IKZF2: variants seen among roughly 807,000 people sequenced by gnomAD.
The protein encoded by IKZF2 is IKAROS family zinc finger 2, also known as zinc finger protein Helios.
IKZF2 carries 15 observed loss-of-function variants against 49.2 expected under a neutral mutation model. The observed-to-expected ratio is 0.30, with a 90% CI of 0.20 to 0.47. The LOEUF (loss-of-function observed/expected upper bound fraction) is 0.47, where lower values mean the gene tolerates loss of function less well. IKZF2 is among the 20% of genes least tolerant of loss of function. The pLI is 1.00. For synonymous variants in IKZF2, 227 were observed against 221.4 expected (o/e 1.03, Z -0.23); for missense variants, 567 against 664.6 (o/e 0.85, Z 1.61).
chr2:213,007,208 C>T lies in IKZF2; in HGVS notation c.*152G>A. 2 of 802,438 alleles carry T rather than the reference C, an allele frequency of 2.5e-6. No homozygotes were observed. The highest frequency in any genetic ancestry group is 3.8e-6 in the Non-Finnish European group (2 of 526,814). The allele number at this position is 802,438 out of a possible 1,614,324, so 49.7% of individuals were successfully genotyped here. A position where few individuals can be genotyped will look rare whatever the true frequency, so the allele number is the denominator to read the frequency against. ...TATCGTAATTAGGCAGAGCAAATGA[C>T]ACTGCCTCCACAAAATAAGAATTAT... On this transcript the variant is annotated 3_prime_UTR_variant, in exon 9 of 9. Transcript: ENST00000434687.
At chr2:213,106,902 A>G (rs1056330553) in intron 4 of IKZF2, among the ~76,000 whole-genome samples, 6 of 152,154 alleles carry the variant, frequency 3.9e-5, no homozygotes, top group Non-Finnish European at 5.9e-5. Flanking sequence ...ATTCAGAGCA[A>G]AAGTCAAAAA....
intron 4 of IKZF2, among the ~76,000 whole-genome samples, chr2:213,143,606 C>A (rs1353331480): frequency 6.6e-6 from 1 of 151,770 alleles, no homozygotes. Context: ...TGGGTATATA[C>A]ACAAACCTAA....
At chr2:213,120,017 G>T (rs1481287849) in intron 4 of IKZF2, among the ~76,000 whole-genome samples, 1 of 152,140 alleles carries the variant, frequency 6.6e-6, no homozygotes, top group East Asian at 1.9e-4. Flanking sequence ...AGGTAAAGCA[G>T]CCAACTCCAT....
intron 4 of IKZF2, among the ~76,000 whole-genome samples, chr2:213,109,240 A>G (rs1292255068): frequency 1.3e-5 from 2 of 152,112 alleles, no homozygotes; most frequent in African/African-American, 4.8e-5. Context: ...ATGCAAGCAG[A>G]CACAAAATTA....
intron 4 of IKZF2, among the ~76,000 whole-genome samples, chr2:213,085,298 A>C (rs1335500745): frequency 2.6e-5 from 4 of 152,222 alleles, no homozygotes; most frequent in Non-Finnish European, 5.9e-5. Flanking sequence ...TTAAACAAAA[A>C]GCCTTTTGGA....
intron 4 of IKZF2, among the ~76,000 whole-genome samples, chr2:213,078,014 C>A (rs1023100506): frequency 2.6e-5 from 4 of 151,966 alleles, no homozygotes; most frequent in Admixed American, 1.3e-4. Context: ...TAGAAGATTG[C>A]ATATTCCTTT....
At chr2:213,057,661 TA>T (rs887551924) in intron 4 of IKZF2, among the ~76,000 whole-genome samples, 1 of 152,118 alleles carries the variant, frequency 6.6e-6, no homozygotes, top group Non-Finnish European at 1.5e-5. Context: ...AAAATCAAAC[TA>T]AACACATATA....
chr2:213,023,777 T>C (rs1428966683), intron 6 of IKZF2, among the ~76,000 whole-genome samples: 3 of 152,184 alleles, frequency 2.0e-5, no homozygotes, highest in Non-Finnish European at 4.4e-5. Flanking sequence ...GCACTTACAT[T>C]GAAGCTAATA....
Position 213,007,272 on chromosome 2 carries a change from A to G in IKZF2, c.*88T>C, listed in dbSNP as rs1695424466. 1.4e-6 allele frequency: 2 copies of G among 1,381,582 alleles called. No individual in the cohort carries two copies. The highest frequency in any genetic ancestry group is 2.9e-5 in the African/African-American group (2 of 68,692). 85.6% of individuals were successfully genotyped at this position (1,381,582 alleles called of 1,614,324 possible). On this transcript the variant is annotated 3_prime_UTR_variant, in exon 9 of 9. Transcript: ENST00000434687. ...ATTAAAAAAAATAAAAGGTATGTCA[A>G]CATTTGAGGAAAGGTGGGATTGTAA...
intron 7 of IKZF2, among the ~76,000 whole-genome samples, chr2:213,016,155 T>C (rs1221823072): frequency 6.6e-6 from 1 of 152,164 alleles, no homozygotes; most frequent in Non-Finnish European, 1.5e-5. Flanking sequence ...GTATACTATG[T>C]GCTGTGTGCT....
intron 3 of IKZF2, 118 bp from the exon 4 acceptor site, chr2:213,147,930 T>G (rs2125990293): frequency 1.5e-6 from 1 of 687,242 alleles, no homozygotes; most frequent in East Asian, 2.5e-5. Context: ...GGTAATACAT[T>G]TTTCCCTTAG....
chr2:213,150,041 G>C, intron 2 of IKZF2, 103 bp downstream of exon 2: 1 of 484,338 alleles, frequency 2.1e-6, no homozygotes, highest in South Asian at 1.9e-5. Flanking sequence ...GAAACGTCAG[G>C]GAGAAGCGAA....
At chr2:213,018,524 T>C (rs1696856815) in intron 7 of IKZF2, among the ~76,000 whole-genome samples, 1 of 152,106 alleles carries the variant, frequency 6.6e-6, no homozygotes, top group African/African-American at 2.4e-5. Flanking sequence ...CCTCACACCA[T>C]ACCCCCTGCC....
chr2:213,102,350 G>GA (rs1356917447), intron 4 of IKZF2, among the ~76,000 whole-genome samples: 4 of 151,946 alleles, frequency 2.6e-5, no homozygotes, highest in African/African-American at 4.8e-5. Context: ...AAAGAAAGTG[G>GA]AAAAAGACAA....
chr2:213,019,051 T>A (rs1008395779), intron 7 of IKZF2, among the ~76,000 whole-genome samples: 1 of 152,288 alleles, frequency 6.6e-6, no homozygotes, highest in South Asian at 2.1e-4. Context: ...GGTCCATTTA[T>A]TTTTATACCC....
At chr2:213,144,445 G>T (rs2060975843) in intron 4 of IKZF2, among the ~76,000 whole-genome samples, 1 of 151,812 alleles carries the variant, frequency 6.6e-6, no homozygotes, top group Non-Finnish European at 1.5e-5. Context: ...TGCCAGTATA[G>T]AACAGTCTGA....
chr2:213,011,804 C>T (rs1353362687), intron 8 of IKZF2, among the ~76,000 whole-genome samples: 1 of 151,976 alleles, frequency 6.6e-6, no homozygotes, highest in Non-Finnish European at 1.5e-5. Context: ...ACCAGATGTG[C>T]AGGCTGGGGT....
intron 6 of IKZF2, among the ~76,000 whole-genome samples, chr2:213,029,171 T>G (rs1669212340): frequency 6.6e-6 from 1 of 152,050 alleles, no homozygotes; most frequent in African/African-American, 2.4e-5. Flanking sequence ...TAATGCTGAA[T>G]ATAATAATTT....
At chr2:213,038,193 G>C (rs1009109195) in intron 6 of IKZF2, among the ~76,000 whole-genome samples, 1 of 151,946 alleles carries the variant, frequency 6.6e-6, no homozygotes, top group Admixed American at 6.6e-5. Context: ...CCCGTAGCTG[G>C]AACTACAGGG....
Sources: gnomAD v4.1 joint callset for allele counts (sites outside exome capture counted in the v4.1 genomes callset) on GRCh38, gnomAD v4.1.1 for gene constraint, MANE v1.5 for transcripts, NCBI Gene and HGNC (gene_info 2026-07-23, HGNC 2026-07-21) for gene names.